Variants in KHDRBS1 observed in about 807,000 individuals in gnomAD.
The protein encoded by KHDRBS1 is KH domain-containing, RNA-binding, signal transduction-associated protein 1.
A neutral mutation model predicts 48.4 loss-of-function variants in KHDRBS1; 7 were observed. That is an observed-to-expected ratio of 0.14 (90% confidence interval 0.08 to 0.27). The LOEUF (loss-of-function observed/expected upper bound fraction) is 0.27, where lower values mean the gene tolerates loss of function less well. Among genes scored for constraint, KHDRBS1 ranks in the 10% least tolerant of loss-of-function variants. The probability of loss-of-function intolerance (pLI) is 1.00; values close to 1 mark genes in which losing one functional copy is unlikely to be tolerated. For missense variants in KHDRBS1, 458 were observed against 601.2 expected (o/e 0.76, Z 2.49); for synonymous variants, 241 against 235.8 (o/e 1.02, Z -0.20).
At chr1:32,027,314 G>T (rs1638994958) in intron 1 of KHDRBS1, among the ~76,000 whole-genome samples, 1 of 152,154 alleles carries the variant, frequency 6.6e-6, no homozygotes, top group Admixed American at 6.6e-5. Context: ...TTTGAGGATT[G>T]AATAACTAAG....
intron 10 of KHDRBS1, among the ~76,000 whole-genome samples, chr1:32,058,207 C>T (rs1033596402): frequency 1.3e-5 from 2 of 151,572 alleles, no homozygotes; most frequent in Non-Finnish European, 2.9e-5. Flanking sequence ...CTCACCTCAG[C>T]CTCCAGAGTA....
intron 1 of KHDRBS1, among the ~76,000 whole-genome samples, chr1:32,016,732 T>G (rs1254085325): frequency 6.6e-6 from 1 of 152,148 alleles, no homozygotes; most frequent in East Asian, 1.9e-4. Flanking sequence ...GTTTACTTTA[T>G]TTTTCACTAT....
At chr1:32,024,898 G>A (rs939964084) in intron 1 of KHDRBS1, among the ~76,000 whole-genome samples, 54 of 151,914 alleles carry the variant, frequency 3.6e-4, no homozygotes, top group African/African-American at 1.2e-3. Context: ...TCAGGAGTTC[G>A]AGGCTGCAGT....
At chr1:32,046,192 T>G (rs928084763), downstream of KHDRBS1, among the ~76,000 whole-genome samples, 1 of 151,804 alleles carries the variant, frequency 6.6e-6, no homozygotes, top group South Asian at 2.1e-4. Flanking sequence ...ATTTCTTTTT[T>G]TTTTTTGGTT....
chr1:32,033,661 A>G (rs980106971), intron 4 of KHDRBS1, among the ~76,000 whole-genome samples: 9 of 152,198 alleles, frequency 5.9e-5, no homozygotes, highest in African/African-American at 1.4e-4. Context: ...GTATTTTGGT[A>G]GTAGTGTGGA....
intron 10 of KHDRBS1, among the ~76,000 whole-genome samples, chr1:32,054,980 CCA>C (rs1021531832): frequency 2.6e-4 from 39 of 152,248 alleles, no homozygotes; most frequent in Non-Finnish European, 4.9e-4. Flanking sequence ...GTTAGGATAA[CCA>C]CAGAGTCCAA....
chr1:32,037,883 A>T lies in KHDRBS1; in HGVS notation c.954A>T (p.Pro318=). The change falls in exon 6 of 9, where the codon CCA becomes CCT. Residue 318 remains proline (P), a synonymous_variant. Coordinates refer to ENST00000327300, the MANE Select transcript of KHDRBS1 (RefSeq NM_006559.3). ...GGGGGGCTTTGGTACGTGGTACACC[A>T]GTAAGGGGAGCCATCACCAGAGGTG... ...PPRGALVRGT[P]VRGAITRGAT... is the part of the protein sequence containing the mutation. 2 of 1,614,232 alleles carry T rather than the reference A, an allele frequency of 1.2e-6. No homozygotes were observed. The highest frequency in any genetic ancestry group is 1.7e-6 in the Non-Finnish European group (2 of 1,180,036).
intron 1 of KHDRBS1, among the ~76,000 whole-genome samples, chr1:32,019,556 A>G (rs149771094): frequency 1.6e-3 from 248 of 152,280 alleles, no homozygotes; most frequent in Admixed American, 0.011. Flanking sequence ...AAAGAAAGAA[A>G]GAAAAAGAAA....
chr1:32,026,205 G>C (rs1221302548), intron 1 of KHDRBS1, among the ~76,000 whole-genome samples: 1 of 152,002 alleles, frequency 6.6e-6, no homozygotes, highest in Non-Finnish European at 1.5e-5. Flanking sequence ...GCCTTACTCT[G>C]TCACCCAGGC....
downstream of KHDRBS1, among the ~76,000 whole-genome samples, chr1:32,044,871 T>C (rs538450687): frequency 6.6e-6 from 1 of 152,352 alleles, no homozygotes; most frequent in South Asian, 2.1e-4. Context: ...TTACATAAAC[T>C]GTGACAGCAA....
At chr1:32,041,932 A>G (rs1283225772) in intron 8 of KHDRBS1, among the ~76,000 whole-genome samples, 2 of 152,212 alleles carry the variant, frequency 1.3e-5, no homozygotes, top group African/African-American at 4.8e-5. Flanking sequence ...ATTTGATTGC[A>G]CATCCCTCTA....
At chr1:32,030,268 G>A in intron 1 of KHDRBS1, 30 bp from the exon 2 acceptor site, 1 of 1,590,266 alleles carries the variant, frequency 6.3e-7, no homozygotes. Context: ...TTATTTACCA[G>A]GGCAAAAATA....
chr1:32,059,821 A>G (rs1460767016), intron 10 of KHDRBS1, among the ~76,000 whole-genome samples: 1 of 152,126 alleles, frequency 6.6e-6, no homozygotes, highest in Non-Finnish European at 1.5e-5. Context: ...AGCAGAAAGC[A>G]TTTTTCCCTT....
In KHDRBS1 at chr1:32,030,308, G is replaced by T. The variant is rs913483615; in HGVS notation, c.393G>T (p.Lys131Asn). ...GTTTTTCCTATTCAGAAATTGAGAA[G>T]ATTCAGAAAGGAGACTCAAAAAAGG... ...AMQLLTAEIE[K>N]IQKGDSKKDD... Residue 131 changes from lysine (K) to asparagine (N), a missense_variant, in exon 2 of 9, where the codon AAG becomes AAT. Coordinates refer to ENST00000327300, the MANE Select transcript of KHDRBS1 (RefSeq NM_006559.3). 6.2e-7 allele frequency: 1 copy of T among 1,602,274 alleles called. No individual in the cohort carries two copies. The highest frequency in any genetic ancestry group is 1.3e-5 in the African/African-American group (1 of 74,252).
chr1:32,037,934 C>T lies in KHDRBS1; in HGVS notation c.1005C>T (p.Pro335=). ...RGATVTRGVP[P]PPTVRGAPAP... ...CCACTGTGACTCGAGGCGTGCCACC[C>T]CCACCTACTGTGAGGGGTGCTCCAG... Residue 335 remains proline, a synonymous_variant, in exon 6 of 9, where the codon CCC becomes CCT. Transcript: ENST00000327300. 6.2e-7 allele frequency: 1 copy of T among 1,614,226 alleles called. No individual in the cohort carries two copies. The highest frequency in any genetic ancestry group is 8.5e-7 in the Non-Finnish European group (1 of 1,180,042).
intron 7 of KHDRBS1, among the ~76,000 whole-genome samples, chr1:32,039,080 T>A (rs1458042295): frequency 6.6e-6 from 1 of 152,246 alleles, no homozygotes; most frequent in Non-Finnish European, 1.5e-5. Flanking sequence ...TTGAATTCCA[T>A]TACCATAACT....
At chr1:32,026,968 T>C (rs1412764312) in intron 1 of KHDRBS1, among the ~76,000 whole-genome samples, 1 of 152,212 alleles carries the variant, frequency 6.6e-6, no homozygotes, top group Admixed American at 6.5e-5. Flanking sequence ...CTAATTTTTA[T>C]ATTTTTAGTA....
In KHDRBS1 at chr1:32,042,621, T is replaced by C; in HGVS notation, c.1329T>C (p.Tyr443=). The C allele has an allele frequency of 6.3e-7, 1 of 1,593,046 alleles. No homozygotes were observed. Among genetic ancestry groups the C allele is most frequent in the Non-Finnish European group, 8.6e-7 (1 of 1,161,140 alleles). The change falls in exon 9 of 9, where the codon TAT becomes TAC. Residue 443 remains tyrosine (Y), a synonymous_variant. Coordinates refer to ENST00000327300, the MANE Select transcript of KHDRBS1 (RefSeq NM_006559.3). The part of the protein sequence containing the change: ...GAYREHPYGR[Y] ...ACAGAGAGCACCCATATGGACGTTA[T>C]TAAAAACAAACATGAGGGGAAAATA...
Position 32,030,325 on chromosome 1 carries a change from CA to C in KHDRBS1, c.416del (p.Lys139ArgfsTer16). The C allele has an allele frequency of 6.2e-7, 1 of 1,608,600 alleles. No individual in the cohort carries two copies. The highest frequency in any genetic ancestry group is 1.1e-5 in the South Asian group (1 of 89,844). On this transcript the variant is annotated frameshift_variant, in exon 2 of 9. Transcript: ENST00000327300. LOFTEE classifies it high-confidence loss of function. ...ATTGAGAAGATTCAGAAAGGAGACT[CA>C]AAAAAGGATGATGAGGAGAATTACT... ...AEIEKIQKGDSKKDDEENYLD... is the reference protein window; with the variant it reads ...AEIEKIQKGDXKKDDEENYLD...
Sources: allele counts gnomAD v4.1 joint callset (sites outside exome capture counted in the v4.1 genomes callset), GRCh38; gene constraint gnomAD v4.1.1; transcripts MANE v1.5; gene names NCBI Gene and HGNC (gene_info 2026-07-23, HGNC 2026-07-21).